ST3GAL3: variants seen among roughly 807,000 people sequenced by gnomAD.
ST3GAL3 encodes the protein ST3 beta-galactoside alpha-2,3-sialyltransferase 3, also known as CMP-N-acetylneuraminate-beta-1,4-galactoside alpha-2,3-sialyltransferase.
A neutral mutation model predicts 50.1 loss-of-function variants in ST3GAL3; 21 were observed. The ratio of observed to expected loss-of-function variants is 0.42; its 90% CI spans 0.30 to 0.60. The LOEUF (loss-of-function observed/expected upper bound fraction) is 0.60, where lower values mean the gene tolerates loss of function less well. Ranked by LOEUF, ST3GAL3 falls within the 20% of genes least tolerant of loss-of-function variation. The pLI, the probability that ST3GAL3 is intolerant of heterozygous loss-of-function variation, is 0.19. For missense variants in ST3GAL3, 353 were observed against 489.4 expected (o/e 0.72, Z 2.63); for synonymous variants, 183 against 190.0 (o/e 0.96, Z 0.30).
At chr1:43,743,409 A>C (rs980657281) in intron 2 of ST3GAL3, 2 of 285,270 alleles carry the variant, frequency 7.0e-6, no homozygotes, top group African/African-American at 4.5e-5. Context: ...TGAAGCAGCA[A>C]CTGATATCTC....
In ST3GAL3 at chr1:43,773,064, A is replaced by T. The variant is rs145844525; in HGVS notation, c.119-19038A>T. Among the ~76,000 whole-genome samples, 403 of 151,990 alleles carry T rather than the reference A, an allele frequency of 2.7e-3. 1 individual carries two copies. The highest frequency in any genetic ancestry group is 5.0e-3 in the South Asian group (24 of 4,828). On this transcript the variant is annotated intron_variant, in intron 2 of 11. Transcript: ENST00000347631. ...GCCAGGCCTATTCTCAAATTTTTTTAAAAAAATCACTCTATTTATGAATTT... is the reference window on the plus strand; with the variant it reads ...GCCAGGCCTATTCTCAAATTTTTTTTAAAAAATCACTCTATTTATGAATTT...
chr1:43,920,301 C>T, intron 9 of ST3GAL3, 103 bp from the exon 10 acceptor site: 2 of 1,487,998 alleles, frequency 1.3e-6, no homozygotes, highest in East Asian at 2.3e-5. Context: ...CATTAAACGC[C>T]TCATGCTCCC....
At chr1:43,878,123 C>T (rs978075178) in intron 5 of ST3GAL3, among the ~76,000 whole-genome samples, 14 of 152,146 alleles carry the variant, frequency 9.2e-5, no homozygotes, top group African/African-American at 3.4e-4. Flanking sequence ...CTGCCTCTGG[C>T]GACTGCTAGC....
At chr1:43,849,149 C>G (rs2066813627) in intron 5 of ST3GAL3, among the ~76,000 whole-genome samples, 1 of 151,298 alleles carries the variant, frequency 6.6e-6, no homozygotes, top group South Asian at 2.1e-4. Flanking sequence ...TTGTTTTCTT[C>G]TGTTTTACAG....
At chr1:43,819,386 C>T (rs2061801620) in intron 4 of ST3GAL3, 2 of 152,168 alleles carry the variant, frequency 1.3e-5, no homozygotes, top group African/African-American at 2.4e-5. Flanking sequence ...AGCCACCGTG[C>T]CCGGCAATTT....
At chr1:43,778,976 CTT>C (rs1415011537) in intron 2 of ST3GAL3, among the ~76,000 whole-genome samples, 1 of 139,918 alleles carries the variant, frequency 7.1e-6, no homozygotes, top group Non-Finnish European at 1.5e-5. Flanking sequence ...GAGTTTTGCT[CTT>C]GTCATCCAGG....
chr1:43,815,525 G>A (rs1182728990), intron 4 of ST3GAL3, among the ~76,000 whole-genome samples: 1 of 152,094 alleles, frequency 6.6e-6, no homozygotes, highest in Non-Finnish European at 1.5e-5. Flanking sequence ...CTCTGTTACA[G>A]TTATCTCACT....
chr1:43,773,354 A>T (rs1449180628), intron 2 of ST3GAL3, among the ~76,000 whole-genome samples: 4 of 152,180 alleles, frequency 2.6e-5, no homozygotes, highest in Non-Finnish European at 5.9e-5. Flanking sequence ...TACTGAGCTT[A>T]CTACATGCTC....
chr1:43,750,882 G>GA (rs879667685), intron 2 of ST3GAL3, among the ~76,000 whole-genome samples: 171 of 138,648 alleles, frequency 1.2e-3, no homozygotes, highest in African/African-American at 3.4e-3. Flanking sequence ...TTTGTCTCAA[G>GA]AAAAAAAAAA....
intron 4 of ST3GAL3, among the ~76,000 whole-genome samples, chr1:43,836,554 A>C (rs1396356460): frequency 6.6e-6 from 1 of 152,218 alleles, no homozygotes; most frequent in Non-Finnish European, 1.5e-5. Context: ...CCCCACACCC[A>C]CCCAGTCCAG....
Position 43,899,271 on chromosome 1 carries a change from C to T in ST3GAL3, c.557+8C>T, listed in dbSNP as rs1298185164. The T allele has an allele frequency of 6.2e-7, 1 of 1,614,190 alleles. No individual in the cohort carries two copies. The highest frequency in any genetic ancestry group is 1.7e-5 in the Admixed American group (1 of 60,026). ...CTATGACATTGTGGTGAGGTGAGCTCCCCAAAATGGCACCTCGGGTGAGTG... is the reference window on the plus strand; with the variant it reads ...CTATGACATTGTGGTGAGGTGAGCTTCCCAAAATGGCACCTCGGGTGAGTG... On this transcript the variant is annotated splice_region_variant and intron_variant, in intron 8 of 11. Transcript: ENST00000347631. The surrounding 1 kb of genome is among the most constrained non-coding windows in gnomAD (Gnocchi z 5.4).
At chr1:43,890,440 A>C (rs983885177) in intron 5 of ST3GAL3, among the ~76,000 whole-genome samples, 1 of 152,338 alleles carries the variant, frequency 6.6e-6, no homozygotes, top group Non-Finnish European at 1.5e-5. Flanking sequence ...GGAGGAAAAA[A>C]TGAGTTCCCT....
intron 9 of ST3GAL3, among the ~76,000 whole-genome samples, chr1:43,916,089 A>G (rs1447060801): frequency 2.6e-5 from 4 of 152,240 alleles, no homozygotes; most frequent in African/African-American, 9.6e-5. Flanking sequence ...ACTGGACTCC[A>G]GCCTGGAGTG....
chr1:43,891,306 A>C (rs2076650200), intron 5 of ST3GAL3, among the ~76,000 whole-genome samples: 2 of 152,232 alleles, frequency 1.3e-5, no homozygotes, highest in African/African-American at 4.8e-5. Context: ...TCAGTGGCTC[A>C]CGCCTGTAAT....
intron 2 of ST3GAL3, among the ~76,000 whole-genome samples, chr1:43,766,278 G>T (rs1692932449): frequency 6.6e-6 from 1 of 152,162 alleles, no homozygotes; most frequent in Non-Finnish European, 1.5e-5. Flanking sequence ...ATTCCAGGCA[G>T]TGTGGGGCAT....
chr1:43,821,684 C>A (rs1210519990), intron 4 of ST3GAL3, among the ~76,000 whole-genome samples: 1 of 152,174 alleles, frequency 6.6e-6, no homozygotes, highest in Non-Finnish European at 1.5e-5. Flanking sequence ...TTGACCCCGT[C>A]TTCCCCAGGG....
At chr1:43,748,424 T>A (rs1684725283) in intron 2 of ST3GAL3, among the ~76,000 whole-genome samples, 1 of 66,986 alleles carries the variant, frequency 1.5e-5, no homozygotes, top group African/African-American at 6.9e-5. Context: ...ACAGCCCCCA[T>A]TTTTTTTTTT....
At chr1:43,778,194 G>C (rs1003838530) in intron 2 of ST3GAL3, among the ~76,000 whole-genome samples, 6 of 152,138 alleles carry the variant, frequency 3.9e-5, no homozygotes, top group African/African-American at 1.4e-4. Context: ...ACCAAAAACC[G>C]TATGTTCTCA....
chr1:43,910,174 C>T (rs536402450), intron 9 of ST3GAL3, among the ~76,000 whole-genome samples: 2 of 152,114 alleles, frequency 1.3e-5, no homozygotes, highest in Non-Finnish European at 2.9e-5. Flanking sequence ...TAGCCAAACC[C>T]AAATATTACC....
Sources: allele counts gnomAD v4.1 joint callset (sites outside exome capture counted in the v4.1 genomes callset), GRCh38; gene constraint gnomAD v4.1.1; non-coding constraint Gnocchi (gnomAD v3.1); transcripts MANE v1.5; gene names NCBI Gene and HGNC (gene_info 2026-07-23, HGNC 2026-07-21).